The following TGFBI variants were observed in gnomAD, a reference collection of about 807,000 sequenced individuals.
The protein encoded by TGFBI is transforming growth factor beta induced.
A neutral mutation model predicts 73.7 loss-of-function variants in TGFBI; 50 were observed. That is an observed-to-expected ratio of 0.68 (90% CI 0.54 to 0.86). The LOEUF (loss-of-function observed/expected upper bound fraction) is 0.86. Ranked by LOEUF, TGFBI falls within the 40% of genes least tolerant of loss-of-function variation. TGFBI has a pLI of 0.00. For synonymous variants in TGFBI, 362 were observed against 360.5 expected, an observed-to-expected ratio of 1.00 and a Z score of -0.05; for missense variants, 839 against 877.0, an observed-to-expected ratio of 0.96 and a Z score of 0.55.
At position 136,055,782 on chromosome 5, in the gene TGFBI, G is replaced by A. The variant is rs201775031; in HGVS notation, c.1513G>A (p.Val505Ile). Reference protein sequence around the residue: ...DRVLTPPMGTVMDVLKGDNRF... With the variant: ...DRVLTPPMGTIMDVLKGDNRF... ...GGTGCTGACCCCCCCAATGGGGACT[G>A]TCATGGATGTCCTGAAGGGAGACAA... is the stretch of plus-strand genomic sequence containing the variant. Residue 505 changes from valine to isoleucine, a missense_variant, in exon 11 of 17, where the codon GTC becomes ATC. By Grantham distance (29) the Val-to-Ile change is conservative (BLOSUM62 3). Transcript: ENST00000442011. The A allele has an allele frequency of 1.9e-4, 311 of 1,611,932 alleles. 2 individuals carry two copies. The highest frequency in any genetic ancestry group is 3.1e-5 in the Non-Finnish European group (36 of 1,178,564).
intron 2 of TGFBI, among the ~76,000 whole-genome samples, chr5:136,038,000 C>T (rs1384969329): frequency 6.6e-6 from 1 of 152,176 alleles, no homozygotes; most frequent in African/African-American, 2.4e-5. Flanking sequence ...AGACCCCAGA[C>T]CCATACTAGT....
chr5:136,051,255 C>G (rs1580717339), intron 7 of TGFBI, among the ~76,000 whole-genome samples: 1 of 152,024 alleles, frequency 6.6e-6, no homozygotes, highest in Non-Finnish European at 1.5e-5. Flanking sequence ...CATGGTAAAA[C>G]CCCGTCTCTA....
At position 136,035,263 on chromosome 5, in the gene TGFBI, A is replaced by G. The variant is rs116232398; in HGVS notation, c.233+1402A>G. On this transcript the variant is annotated intron_variant, in intron 2 of 16. Transcript: ENST00000442011. ...GACACCCAGCGATATTCTTGCTGCT[A>G]TGAACAAAAGGAGACTATGCAAATT... Among the ~76,000 whole-genome samples the G allele has an allele frequency of 8.3e-3, 1,265 of 152,326 alleles. 18 individuals are homozygous for G. The highest frequency in any genetic ancestry group is 0.028 in the African/African-American group (1,155 of 41,558).
intron 2 of TGFBI, among the ~76,000 whole-genome samples, chr5:136,036,745 G>A (rs141238607): frequency 2.0e-4 from 31 of 152,312 alleles, no homozygotes; most frequent in African/African-American, 6.5e-4. Flanking sequence ...GGAAATGGGA[G>A]CACAGTAGTG....
chr5:136,059,774 G>A (rs572686887), intron 13 of TGFBI, among the ~76,000 whole-genome samples: 37 of 152,324 alleles, frequency 2.4e-4, no homozygotes, highest in African/African-American at 7.9e-4. Flanking sequence ...TGGAGGGACC[G>A]CTCTTCAGTG....
chr5:136,029,092 G>C lies in TGFBI; in HGVS notation c.37G>C (p.Ala13Pro). Residue 13 changes from alanine (A) to proline (P), a missense_variant, in exon 1 of 17, where the codon GCT becomes CCT. Transcript: ENST00000442011. ...CGTGCGGCTGCTGGCTCTCGCCCTG[G>C]CTCTGGCCCTGGGCCCCGCCGCGAC... ...LFVRLLALAL[A>P]LALGPAATLA... The C allele has an allele frequency of 6.5e-7, 1 of 1,527,402 alleles. No individual in the cohort carries two copies. The highest frequency in any genetic ancestry group is 1.2e-5 in the South Asian group (1 of 83,232). The allele number at this position is 1,527,402 out of a possible 1,614,324, so 94.6% of individuals were successfully genotyped here.
At chr5:136,034,599 C>T (rs529471788) in intron 2 of TGFBI, among the ~76,000 whole-genome samples, 11 of 151,856 alleles carry the variant, frequency 7.2e-5, no homozygotes, top group East Asian at 3.9e-4. Context: ...AGAGTGCCAA[C>T]GGGGTGTGGA....
At chr5:136,045,022 A>C (rs189424204) in intron 3 of TGFBI, among the ~76,000 whole-genome samples, 165 of 152,326 alleles carry the variant, frequency 1.1e-3, no homozygotes, top group African/African-American at 3.7e-3. Context: ...GTATTTCAAA[A>C]AATATTTTTG....
At chr5:136,032,773 G>A (rs1196345285) in intron 1 of TGFBI, among the ~76,000 whole-genome samples, 2 of 152,124 alleles carry the variant, frequency 1.3e-5, no homozygotes, top group African/African-American at 4.8e-5. Context: ...ACGTAGCACA[G>A]CAGCTTCCTT....
chr5:136,046,709 G>A, intron 4 of TGFBI, 142 bp from the exon 5 acceptor site: 1 of 1,268,840 alleles, frequency 7.9e-7, no homozygotes, highest in Non-Finnish European at 1.1e-6. Flanking sequence ...AGAAAGACTT[G>A]GGTGCTTCCT....
At chr5:136,048,549 A>C (rs1751477380) in intron 6 of TGFBI, 1 of 152,326 alleles carries the variant, frequency 6.6e-6, no homozygotes, top group Non-Finnish European at 1.5e-5. Flanking sequence ...TCAACAAGGT[A>C]GCCAGGGGCT....
At chr5:136,049,071 T>G in intron 6 of TGFBI, 2 of 200,652 alleles carry the variant, frequency 1.0e-5, no homozygotes, top group East Asian at 1.2e-4. Context: ...TGTCTGGCGG[T>G]GAGATGGGGT....
chr5:136,050,826 C>T (rs912834730), intron 7 of TGFBI, among the ~76,000 whole-genome samples: 18 of 152,292 alleles, frequency 1.2e-4, no homozygotes, highest in Admixed American at 3.9e-4. Flanking sequence ...GATGGGAAGA[C>T]GGGATTTGTT....
At chr5:136,029,386 G>T (rs761549240) in intron 1 of TGFBI, among the ~76,000 whole-genome samples, 197 bp downstream of exon 1, 5 of 152,240 alleles carry the variant, frequency 3.3e-5, no homozygotes, top group Non-Finnish European at 7.3e-5. Context: ...GACCATGGAG[G>T]GAAAGCGGGA....
chr5:136,058,655 C>A, intron 12 of TGFBI: 1 of 158,620 alleles, frequency 6.3e-6, no homozygotes, highest in Admixed American at 6.1e-5. Flanking sequence ...GTAAATATTG[C>A]ACTACTGTGT....
chr5:136,060,975 T>C, intron 14 of TGFBI, 39 bp downstream of exon 14: 4 of 1,450,522 alleles, frequency 2.8e-6, no homozygotes, highest in Non-Finnish European at 3.7e-6. Flanking sequence ...AGCCAGTCCT[T>C]TTCTTCATGT....
chr5:136,056,651 G>A lies in TGFBI; in HGVS notation c.1548-14G>A, dbSNP rs772680357. 6.2e-7 allele frequency: 1 copy of A among 1,613,878 alleles called. No individual in the cohort carries two copies. The highest frequency in any genetic ancestry group is 8.5e-7 in the Non-Finnish European group (1 of 1,179,854). On this transcript the variant is annotated splice_polypyrimidine_tract_variant and intron_variant, in intron 11 of 16. Coordinates refer to ENST00000442011, the MANE Select transcript of TGFBI (RefSeq NM_000358.3). ...CCTGTTGACAGGTGACATTTTCTGT[G>A]TGTGTATCTACAGCATGCTGGTAGC...
chr5:136,031,216 A>AT (rs1158247186), intron 1 of TGFBI, among the ~76,000 whole-genome samples: 1 of 152,204 alleles, frequency 6.6e-6, no homozygotes, highest in Non-Finnish European at 1.5e-5. Context: ...GCACAGTTGT[A>AT]TTTACTCTGA....
chr5:136,033,984 C>T, intron 2 of TGFBI, 123 bp downstream of exon 2: 1 of 816,528 alleles, frequency 1.2e-6, no homozygotes, highest in South Asian at 1.5e-5. Flanking sequence ...CATGTGCGAA[C>T]ATGTCTGGGA....
Sources: gnomAD v4.1 joint callset for allele counts (sites outside exome capture counted in the v4.1 genomes callset) on GRCh38, gnomAD v4.1.1 for gene constraint, MANE v1.5 for transcripts, NCBI Gene and HGNC (gene_info 2026-07-23, HGNC 2026-07-21) for gene names.